MLH3: variants seen among roughly 807,000 people sequenced by gnomAD.
MLH3 encodes mutL homolog 3.
MLH3 carries 82 observed loss-of-function variants against 122.2 expected under a neutral mutation model. The ratio of observed to expected loss-of-function variants is 0.67; its 90% confidence interval spans 0.56 to 0.81. The LOEUF is 0.81. Ranked by LOEUF, MLH3 falls within the 30% of genes least tolerant of loss-of-function variation. The pLI is 0.00. For synonymous variants in MLH3, 524 were observed against 599.5 expected (o/e 0.87, Z 1.84); for missense variants, 1,539 against 1,714.5 (o/e 0.90, Z 1.81).
intron 11 of MLH3, among the ~76,000 whole-genome samples, chr14:75,019,592 A>G (rs1020945564): frequency 2.0e-5 from 3 of 152,232 alleles, no homozygotes; most frequent in Admixed American, 2.0e-4. Flanking sequence ...GTTTTTCTCC[A>G]AGAGGCAAGA....
At position 75,017,014 on chromosome 14, in the gene MLH3, C is replaced by G; in HGVS notation, c.*68G>C. Reference sequence around the variant, plus strand: ...GTCAGGGCCGTGCTGGTACCTGCTGCTGCTGCTCTCTGCTCAGAGGCATAC... The same window carrying G: ...GTCAGGGCCGTGCTGGTACCTGCTGGTGCTGCTCTCTGCTCAGAGGCATAC... On this transcript the variant is annotated 3_prime_UTR_variant, in exon 13 of 13. Coordinates refer to ENST00000355774, the MANE Select transcript of MLH3 (RefSeq NM_001040108.2). 6.3e-7 allele frequency: 1 copy of G among 1,591,470 alleles called. No individual in the cohort carries two copies. The highest frequency in any genetic ancestry group is 1.1e-5 in the South Asian group (1 of 90,222).
Position 75,032,193 on chromosome 14 carries a change from G to A in MLH3, c.3716-14C>T. On this transcript the variant is annotated splice_polypyrimidine_tract_variant and intron_variant, in intron 7 of 12. Transcript: ENST00000355774. ...TCTCGTAGGAATCTATTGGCAGAAA[G>A]ATGAATGGGTTAAGAGTAGGAAGGG... 6.7e-7 allele frequency: 1 copy of A among 1,490,670 alleles called. No individual in the cohort carries two copies. The highest frequency in any genetic ancestry group is 9.4e-7 in the Non-Finnish European group (1 of 1,067,420). 92.3% of individuals were successfully genotyped at this position (1,490,670 alleles called of 1,614,324 possible).
rs175077 is a variant in MLH3, at chr14:75,040,172, G to A, written c.3466-157C>T. Among the ~76,000 whole-genome samples the A allele has an allele frequency of 0.4, 59,972 of 151,432 alleles. 12,476 individuals carry two copies. The highest frequency in any genetic ancestry group is 0.51 in the Middle Eastern group (149 of 292). On this transcript the variant is annotated intron_variant, in intron 4 of 12. Transcript: ENST00000355774. ...TTATAGAAATTCAAAAGAATCGGCC[G>A]GGCGTGGTGGCTCACACCTGTAATC...
intron 11 of MLH3, among the ~76,000 whole-genome samples, chr14:75,022,585 G>C (rs1292748261): frequency 1.3e-5 from 2 of 152,188 alleles, no homozygotes; most frequent in Admixed American, 1.3e-4. Flanking sequence ...TCCTCTAGGA[G>C]TTATTCCTCC....
At chr14:75,024,744 A>G (rs915285598) in intron 9 of MLH3, among the ~76,000 whole-genome samples, 1 of 152,236 alleles carries the variant, frequency 6.6e-6, no homozygotes, top group African/African-American at 2.4e-5. Flanking sequence ...TCAGCCTGAC[A>G]TAGGATAATC....
chr14:75,023,018 C>T lies in MLH3; in HGVS notation c.3988G>A (p.Glu1330Lys), dbSNP rs1890393091. ...RSTVTKSIVE[E>K]FIREQLELLQ... ...ACCTCCAGTTGTTCTCGGATAAATT[C>T]CTGCAAAGCAAAAGGAAAATCGGCT... The change falls in exon 10 of 13, where the codon GAA becomes AAA. Residue 1330 changes from glutamate to lysine, a missense_variant and splice_region_variant. Physicochemically the swap from Glu to Lys is moderately conservative, Grantham distance 56. Transcript: ENST00000355774. The T allele has an allele frequency of 6.2e-7, 1 of 1,614,228 alleles. No individual in the cohort carries two copies. Among genetic ancestry groups the T allele is most frequent in the Non-Finnish European group, 8.5e-7 (1 of 1,180,036 alleles).
At chr14:75,018,244 G>A (rs182513798) in intron 12 of MLH3, among the ~76,000 whole-genome samples, 5 of 152,352 alleles carry the variant, frequency 3.3e-5, no homozygotes, top group African/African-American at 1.2e-4. Flanking sequence ...AACAAGGACA[G>A]AAGTTCTTCA....
chr14:75,047,518 G>A lies in MLH3; in HGVS notation c.2138C>T (p.Thr713Ile), dbSNP rs2139569120. 1.2e-6 allele frequency: 2 copies of A among 1,613,802 alleles called. No homozygotes were observed. The highest frequency in any genetic ancestry group is 1.7e-6 in the Non-Finnish European group (2 of 1,179,794). The stretch of plus-strand genomic sequence containing the variant: ...TCTATACCAGGGGAAAGAGGGGGAT[G>A]TATCAGATAATATGCAATCTGTTTG... ...KSQTDCILSDTSPSFPWYRHV... is the reference protein window; with the variant it reads ...KSQTDCILSDISPSFPWYRHV... The change falls in exon 2 of 13, where the codon ACA becomes ATA. Residue 713 changes from threonine (T) to isoleucine (I), a missense_variant. Coordinates refer to ENST00000355774, the MANE Select transcript of MLH3 (RefSeq NM_001040108.2).
At position 75,042,359 on chromosome 14, in the gene MLH3, G is replaced by C. The variant is rs1327932464; in HGVS notation, c.3379+20C>G. Reference sequence around the variant, plus strand: ...GGTACGATGTGTACTGTGTGCCCCAGCACTCTCTGCCACCCTTACCTCTGT... The same window carrying C: ...GGTACGATGTGTACTGTGTGCCCCACCACTCTCTGCCACCCTTACCTCTGT... On this transcript the variant is annotated intron_variant, in intron 3 of 12. Coordinates refer to ENST00000355774, the MANE Select transcript of MLH3 (RefSeq NM_001040108.2). The C allele has an allele frequency of 1.2e-6, 2 of 1,600,430 alleles. No individual in the cohort carries two copies. Among genetic ancestry groups the C allele is most frequent in the East Asian group, 4.5e-5 (2 of 44,840 alleles).
intron 8 of MLH3, 42 bp from the exon 9 acceptor site, chr14:75,030,744 A>AGCACT: frequency 6.4e-7 from 1 of 1,554,290 alleles, no homozygotes; most frequent in Non-Finnish European, 8.9e-7. Context: ...AAAGAGTGCT[A>AGCACT]CTTCATTTGC....
At chr14:75,019,810 A>G (rs1890155783) in intron 11 of MLH3, among the ~76,000 whole-genome samples, 1 of 152,146 alleles carries the variant, frequency 6.6e-6, no homozygotes, top group African/African-American at 2.4e-5. Context: ...ACAAATATTT[A>G]TTAAGTATAT....
In MLH3 at chr14:75,046,880, T is replaced by G; in HGVS notation, c.2776A>C (p.Lys926Gln). Residue 926 changes from lysine to glutamine, a missense_variant, in exon 2 of 13, where the codon AAG becomes CAG. Lys to Gln is a moderately conservative substitution (Grantham distance 53). Coordinates refer to ENST00000355774, the MANE Select transcript of MLH3 (RefSeq NM_001040108.2). Reference sequence around the variant, plus strand: ...ACACCATTCTCTGTTTTTTCATGCTTGTTGTTAAATAACATACAAAAATCT... The same window carrying G: ...ACACCATTCTCTGTTTTTTCATGCTGGTTGTTAAATAACATACAAAAATCT... The part of the protein sequence containing the change: ...TQDFCMLFNN[K>Q]HEKTENGVIP... 6.2e-7 allele frequency: 1 copy of G among 1,614,118 alleles called. No homozygotes were observed. Among genetic ancestry groups the G allele is most frequent in the Non-Finnish European group, 8.5e-7 (1 of 1,180,038 alleles).
At chr14:75,020,818 G>A (rs1890224649) in intron 11 of MLH3, 1 of 152,004 alleles carries the variant, frequency 6.6e-6, no homozygotes, top group South Asian at 2.1e-4. Flanking sequence ...AGATTAGCAT[G>A]GTCCGTGCAC....
At chr14:75,030,422 C>T (rs908016278) in intron 9 of MLH3, 121 bp downstream of exon 9, 27 of 1,002,786 alleles carry the variant, frequency 2.7e-5, no homozygotes, top group Non-Finnish European at 3.7e-5. Flanking sequence ...TAGCTCCTGG[C>T]ACACCGCAGG....
In MLH3 at chr14:75,049,146, C is replaced by T. The variant is rs746983446; in HGVS notation, c.510G>A (p.Lys170=). ...KCMDPRLEFE[K]VRQRIEALSL... ...AGAGAGCTTCTATTCTCTGCCTAAC[C>T]TTCTCAAACTCCAGTCTAGGGTCCA... Residue 170 remains lysine, a synonymous_variant, in exon 2 of 13, where the codon AAG becomes AAA. Coordinates refer to ENST00000355774, the MANE Select transcript of MLH3 (RefSeq NM_001040108.2). 1.9e-6 allele frequency: 3 copies of T among 1,614,156 alleles called. No homozygotes were observed. In the Admixed American group the frequency reaches 5.0e-5, roughly 27 times the overall value.
intron 9 of MLH3, among the ~76,000 whole-genome samples, chr14:75,028,411 C>T (rs1439178349): frequency 7.0e-6 from 1 of 142,992 alleles, no homozygotes. Context: ...TCTGATTTCC[C>T]CCCAATTTTT....
intron 9 of MLH3, among the ~76,000 whole-genome samples, chr14:75,029,671 G>A (rs909825086): frequency 6.6e-6 from 1 of 151,988 alleles, no homozygotes; most frequent in Non-Finnish European, 1.5e-5. Flanking sequence ...GAGTAGCTGG[G>A]ATTATAGGCA....
At chr14:75,029,442 A>C (rs758153027) in intron 9 of MLH3, among the ~76,000 whole-genome samples, 14 of 152,192 alleles carry the variant, frequency 9.2e-5, no homozygotes, top group Non-Finnish European at 2.1e-4. Flanking sequence ...ATAGTTCCCT[A>C]AACATAGGAT....
Position 75,047,463 on chromosome 14 carries a change from ATC to A in MLH3, c.2191_2192del (p.Asp731Ter), listed in dbSNP as rs1566605114. 2 of 1,614,102 alleles carry A rather than the reference ATC, an allele frequency of 1.2e-6. No individual in the cohort carries two copies. On this transcript the variant is annotated frameshift_variant, in exon 2 of 13. Coordinates refer to ENST00000355774, the MANE Select transcript of MLH3 (RefSeq NM_001040108.2). LOFTEE classifies it high-confidence loss of function. Reference sequence around the variant, plus strand: ...TTGGTTTGGAGAAACCAATTAATTTATCTGTTTTCCTACTATCATTGGAAACG... The same window carrying A: ...TTGGTTTGGAGAAACCAATTAATTTATGTTTTCCTACTATCATTGGAAACG... ...RHVSNDSRKT[D>X]KLIGFSKPIV...
Sources: allele counts gnomAD v4.1 joint callset (sites outside exome capture counted in the v4.1 genomes callset), GRCh38; gene constraint gnomAD v4.1.1; transcripts MANE v1.5; gene names NCBI Gene and HGNC (gene_info 2026-07-23, HGNC 2026-07-21).